Variants in KIF5B observed in about 807,000 individuals in gnomAD.
KIF5B encodes the protein kinesin-1 heavy chain.
Under a neutral mutation model 132.8 loss-of-function variants are expected in KIF5B, and 49 were observed. That is an observed-to-expected ratio of 0.37 (90% CI 0.29 to 0.47). The LOEUF is 0.47. Ranked by LOEUF, KIF5B falls within the 20% of genes least tolerant of loss-of-function variation. The probability of loss-of-function intolerance (pLI) is 1.00; values close to 1 mark genes in which losing one functional copy is unlikely to be tolerated. For missense variants in KIF5B, 780 were observed against 1,144.0 expected, an observed-to-expected ratio of 0.68 and a Z score of 4.59; for synonymous variants, 355 against 369.4, an observed-to-expected ratio of 0.96 and a Z score of 0.45.
chr10:32,013,003 G>A (rs548236863), intron 25 of KIF5B, among the ~76,000 whole-genome samples: 3 of 151,358 alleles, frequency 2.0e-5, no homozygotes, highest in African/African-American at 4.9e-5. Context: ...CTGGGTTCAA[G>A]CGATTCTCCT....
chr10:32,054,791 G>A (rs1162321247), intron 1 of KIF5B, among the ~76,000 whole-genome samples: 5 of 152,152 alleles, frequency 3.3e-5, no homozygotes, highest in African/African-American at 1.2e-4. Context: ...TCAACTAGGA[G>A]TGCTATTTTC....
At position 32,028,505 on chromosome 10, in the gene KIF5B, G is replaced by T. The variant is rs1190753213; in HGVS notation, c.1648C>A (p.Arg550=). 6.2e-7 allele frequency: 1 copy of T among 1,613,256 alleles called. No homozygotes were observed. Among genetic ancestry groups the T allele is most frequent in the African/African-American group, 1.3e-5 (1 of 74,820 alleles). ...LKEMTNHQKK[R]AAEMMASLLK... ...AAAGATGCCATCATCTCAGCTGCTCGTTTTTTCTGGTGGTTGGTCATTTCC... is the reference window on the plus strand; with the variant it reads ...AAAGATGCCATCATCTCAGCTGCTCTTTTTTTCTGGTGGTTGGTCATTTCC... The change falls in exon 15 of 26, where the codon CGA becomes AGA. Residue 550 remains arginine, a synonymous_variant. Coordinates refer to ENST00000302418, the MANE Select transcript of KIF5B (RefSeq NM_004521.3).
intron 17 of KIF5B, among the ~76,000 whole-genome samples, chr10:32,021,835 G>T (rs369082615): frequency 2.6e-4 from 40 of 152,184 alleles, no homozygotes; most frequent in East Asian, 2.1e-3. Context: ...AGCCAGGCGT[G>T]GGGGCATGTG....
rs561448646 is a variant in KIF5B at position 32,045,023 on chromosome 10, A to G, written c.214+3441T>C. 4.6e-5 allele frequency among the ~76,000 whole-genome samples: 7 copies of G among 152,370 alleles called. No homozygotes were observed. In the South Asian group the frequency reaches 1.4e-3, roughly 32 times the overall value. On this transcript the variant is annotated intron_variant, in intron 2 of 25. Coordinates refer to ENST00000302418, the MANE Select transcript of KIF5B (RefSeq NM_004521.3). Reference sequence around the variant, plus strand: ...TTTCATCTTAGAACTGCAAATAGTAATAAAACAGAACAAAAGTAATAGATG... The same window carrying G: ...TTTCATCTTAGAACTGCAAATAGTAGTAAAACAGAACAAAAGTAATAGATG...
chr10:32,016,167 C>T (rs566675191), intron 24 of KIF5B, among the ~76,000 whole-genome samples: 5 of 151,602 alleles, frequency 3.3e-5, no homozygotes, highest in Non-Finnish European at 2.9e-5. Context: ...AACAAACAAA[C>T]AAAAAAAATG....
chr10:32,045,228 A>G (rs1425457565), intron 2 of KIF5B, among the ~76,000 whole-genome samples: 2 of 152,184 alleles, frequency 1.3e-5, no homozygotes, highest in South Asian at 2.1e-4. Context: ...GAGAAAGATA[A>G]AAGTCCAGGA....
chr10:32,051,915 C>T (rs965772729), intron 1 of KIF5B, among the ~76,000 whole-genome samples: 10 of 152,126 alleles, frequency 6.6e-5, no homozygotes, highest in Non-Finnish European at 1.2e-4. Context: ...TTTTTAGCCT[C>T]GAAATGTACA....
intron 15 of KIF5B, 29 bp downstream of exon 15, chr10:32,028,399 T>A (rs186490651): frequency 6.4e-7 from 1 of 1,566,858 alleles, no homozygotes; most frequent in South Asian, 1.1e-5. Context: ...TACAGATAAT[T>A]GTCCTTAATA....
intron 19 of KIF5B, among the ~76,000 whole-genome samples, 177 bp downstream of exon 19, chr10:32,020,845 A>G (rs552611870): frequency 7.9e-5 from 12 of 152,354 alleles, no homozygotes; most frequent in African/African-American, 1.9e-4. Context: ...AAGACCTAAA[A>G]AAAAGCCTCA....
chr10:32,019,969 G>GA lies in KIF5B; in HGVS notation c.2205-11dup. 6.4e-7 allele frequency: 1 copy of GA among 1,553,996 alleles called. No homozygotes were observed. Among genetic ancestry groups the GA allele is most frequent in the Non-Finnish European group, 8.8e-7 (1 of 1,140,034 alleles). ...CATTTTCTGGTTTTGGCTGACGAAA[G>GA]AAAAAAATAATTAACACAGTATCAA... On this transcript the variant is annotated splice_polypyrimidine_tract_variant and intron_variant, in intron 19 of 25. Transcript: ENST00000302418.
intron 2 of KIF5B, among the ~76,000 whole-genome samples, chr10:32,044,818 C>T (rs2132612109): frequency 6.6e-6 from 1 of 152,276 alleles, no homozygotes; most frequent in Admixed American, 6.5e-5. Flanking sequence ...CCAAAAGTCA[C>T]ACAGCAAGAA....
chr10:32,026,434 T>C (rs1448394735), intron 15 of KIF5B, among the ~76,000 whole-genome samples: 1 of 10,768 alleles, frequency 9.3e-5, no homozygotes, highest in African/African-American at 2.1e-4. Flanking sequence ...TGAGATTCCG[T>C]CTCAAAAAAA....
intron 24 of KIF5B, among the ~76,000 whole-genome samples, chr10:32,016,558 G>A (rs560353248): frequency 3.3e-5 from 5 of 152,126 alleles, no homozygotes; most frequent in South Asian, 2.1e-4. Context: ...ATGGAGTCTC[G>A]CTCGTCACCC....
At position 32,015,606 on chromosome 10, in the gene KIF5B, C is replaced by G. The variant is rs1222214301; in HGVS notation, c.2815G>C (p.Ala939Pro). ...ACAAATGCACCTCCTCCACGAATTG[C>G]ACTTGGGTGAGTTGGAGAAGCTGCT... ...HPAASPTHPS[A>P]IRGGGAFVQN... The change falls in exon 25 of 26, where the codon GCA becomes CCA. Residue 939 changes from alanine to proline, a missense_variant. By Grantham distance (27) the Ala-to-Pro change is conservative. Coordinates refer to ENST00000302418, the MANE Select transcript of KIF5B (RefSeq NM_004521.3). The G allele has an allele frequency of 1.2e-6, 2 of 1,613,796 alleles. No homozygotes were observed. Among genetic ancestry groups the G allele is most frequent in the Admixed American group, 1.7e-5 (1 of 59,992 alleles).
At chr10:32,039,454 C>T (rs1421131082) in intron 3 of KIF5B, 23 bp from the exon 4 acceptor site, 5 of 992,102 alleles carry the variant, frequency 5.0e-6, no homozygotes, top group African/African-American at 3.4e-5. Context: ...CAAAACTAGA[C>T]TTCTTAAATA....
intron 12 of KIF5B, 120 bp from the exon 13 acceptor site, chr10:32,032,894 A>G: frequency 1.4e-6 from 1 of 737,700 alleles, no homozygotes; most frequent in East Asian, 2.6e-5. Flanking sequence ...TCTAAATTCA[A>G]CATTGCTTAT....
intron 20 of KIF5B, among the ~76,000 whole-genome samples, chr10:32,019,231 T>C (rs559466811): frequency 6.6e-6 from 1 of 152,252 alleles, no homozygotes; most frequent in African/African-American, 2.4e-5. Context: ...ACAAGTATTC[T>C]AAACAAAATT....
intron 20 of KIF5B, among the ~76,000 whole-genome samples, 186 bp from the exon 21 acceptor site, chr10:32,018,748 C>T (rs1473235672): frequency 2.0e-5 from 3 of 150,834 alleles, no homozygotes; most frequent in African/African-American, 4.9e-5. Context: ...TTTTTTGACA[C>T]AGAGTTTCTG....
chr10:32,031,249 T>C lies in KIF5B; in HGVS notation c.1405A>G (p.Asn469Asp). 1 of 1,614,044 alleles carries C rather than the reference T, an allele frequency of 6.2e-7. No homozygotes were observed. The highest frequency in any genetic ancestry group is 2.2e-5 in the East Asian group (1 of 44,852). Residue 469 changes from asparagine (N) to aspartate (D), a missense_variant, in exon 14 of 26, where the codon AAT (asparagine) becomes GAT (aspartate). This residue lies in a region of KIF5B where 471 missense variants were observed against 569.9 expected (regional missense o/e 0.83). Coordinates refer to ENST00000302418, the MANE Select transcript of KIF5B (RefSeq NM_004521.3). Reference protein sequence around the residue: ...LLASTRRDQDNMQAELNRLQA... With the variant: ...LLASTRRDQDDMQAELNRLQA... ...AGGCGATTCAGCTCAGCTTGCATAT[T>C]GTCTTGATCCCTTCTGGTAGATGCC...
Sources: gnomAD v4.1 joint callset for allele counts (sites outside exome capture counted in the v4.1 genomes callset) on GRCh38, gnomAD v4.1.1 for gene constraint, gnomAD v4.1.1 regional missense constraint, MANE v1.5 for transcripts, NCBI Gene and HGNC (gene_info 2026-07-23, HGNC 2026-07-21) for gene names.